The following NCF2 variants were observed in gnomAD, a reference collection of about 807,000 sequenced individuals.
The protein encoded by NCF2 is neutrophil cytosol factor 2.
In NCF2, 45 loss-of-function variants were observed where a neutral mutation model predicts 70.9. The observed-to-expected ratio is 0.63, with a 90% CI of 0.50 to 0.81. The LOEUF (loss-of-function observed/expected upper bound fraction) is 0.81. Among genes scored for constraint, NCF2 ranks in the 40% least tolerant of loss-of-function variants. NCF2 has a pLI of 0.00. For missense variants in NCF2, 522 were observed against 631.6 expected (o/e 0.83, Z 1.86); for synonymous variants, 203 against 233.6 (o/e 0.87, Z 1.19).
At chr1:183,599,423 C>CTTTCTTTCTTTCTTTCTTTCTTTCTTTCT in the NCF2 span, among the ~76,000 whole-genome samples, 11 of 107,508 alleles carry the variant, frequency 1.0e-4, no homozygotes, top group African/African-American at 4.2e-4. Flanking sequence ...TCTTTCTTTC[C>CTTTCTTTCTTTCTTTCTTTCTTTCTTTCT]TTCTTTCTTT....
rs1298091942 is a variant in NCF2 at position 183,574,627 on chromosome 1, A to G, written c.367-6T>C. 2 of 1,614,182 alleles carry G rather than the reference A, an allele frequency of 1.2e-6. No homozygotes were observed. The highest frequency in any genetic ancestry group is 8.5e-7 in the Non-Finnish European group (1 of 1,180,022). On this transcript the variant is annotated splice_polypyrimidine_tract_variant and splice_region_variant and intron_variant, in intron 3 of 14. Transcript: ENST00000367535. ...AAAGCAATGTTATATAACACCTAGA[A>G]AAGTACAGACCGCAACATAAAACTT...
the NCF2 span, chr1:183,597,783 G>A: frequency 1.1e-4 from 16 of 152,196 alleles, no homozygotes; most frequent in African/African-American, 2.9e-4. Flanking sequence ...CCTAACGACC[G>A]TGTCTGGACA....
intron 2 of NCF2, among the ~76,000 whole-genome samples, chr1:183,585,657 C>T (rs1386904351): frequency 4.3e-5 from 6 of 140,914 alleles, no homozygotes; most frequent in African/African-American, 1.8e-4. Flanking sequence ...TAGCCTGAGC[C>T]AAATTCCTCT....
upstream of NCF2, among the ~76,000 whole-genome samples, chr1:183,593,788 A>C (rs1673727925): frequency 6.6e-6 from 1 of 152,204 alleles, no homozygotes; most frequent in African/African-American, 2.4e-5. Flanking sequence ...CGGTCTGTTC[A>C]GCCACTGTCC....
chr1:183,560,286 A>T lies in NCF2; in HGVS notation c.1291-13T>A, dbSNP rs1305508752. 6.2e-7 allele frequency: 1 copy of T among 1,614,154 alleles called. No individual in the cohort carries two copies. The highest frequency in any genetic ancestry group is 8.5e-7 in the Non-Finnish European group (1 of 1,180,012). ...AGCCTTGGTCACCCTGAAATAATAA[A>T]GGGCCTGTTAATTTTCCCAATTTCC... On this transcript the variant is annotated splice_polypyrimidine_tract_variant and intron_variant, in intron 13 of 14. Transcript: ENST00000367535.
At position 183,563,987 on chromosome 1, in the gene NCF2, A is replaced by G; in HGVS notation, c.1026+18T>C. On this transcript the variant is annotated intron_variant, in intron 11 of 14. Coordinates refer to ENST00000367535, the MANE Select transcript of NCF2 (RefSeq NM_000433.4). ...CCCATCTTCTACCACTTGAAACAGTATGAGGGAAAAATGTTACCTTAGGCT... is the reference window on the plus strand; with the variant it reads ...CCCATCTTCTACCACTTGAAACAGTGTGAGGGAAAAATGTTACCTTAGGCT... The G allele has an allele frequency of 1.2e-6, 2 of 1,601,116 alleles. No individual in the cohort carries two copies. Among genetic ancestry groups the G allele is most frequent in the Non-Finnish European group, 8.6e-7 (1 of 1,168,128 alleles).
chr1:183,592,586 A>G (rs949913322), upstream of NCF2, among the ~76,000 whole-genome samples: 2 of 152,242 alleles, frequency 1.3e-5, no homozygotes, highest in African/African-American at 4.8e-5. Flanking sequence ...ATTAGAAATC[A>G]TTGGTAAATG....
At chr1:183,574,456 C>T (rs1365963139) in intron 4 of NCF2, 31 bp downstream of exon 4, 7 of 1,614,158 alleles carry the variant, frequency 4.3e-6, no homozygotes, top group Admixed American at 1.7e-5. Context: ...CAGTGACATC[C>T]TCTCAACACC....
intron 1 of NCF2, among the ~76,000 whole-genome samples, chr1:183,587,572 C>A (rs1572178601): frequency 1.1e-5 from 1 of 93,714 alleles, no homozygotes; most frequent in East Asian, 3.3e-4. Flanking sequence ...CCAGCCTGGG[C>A]AACAAAGTAA....
chr1:183,562,763 G>A (rs1316853198), intron 13 of NCF2, among the ~76,000 whole-genome samples: 1 of 150,332 alleles, frequency 6.7e-6, no homozygotes. Flanking sequence ...AACCTGGGCG[G>A]CAGAGGTTTC....
intron 2 of NCF2, among the ~76,000 whole-genome samples, chr1:183,579,658 GA>G (rs1274504782): frequency 2.9e-5 from 4 of 138,502 alleles, no homozygotes; most frequent in Non-Finnish European, 6.0e-5. Flanking sequence ...AGAATGGCAT[GA>G]ACCCAGGAGG....
At chr1:183,572,085 A>T (rs1411529052) in intron 5 of NCF2, among the ~76,000 whole-genome samples, 1 of 152,254 alleles carries the variant, frequency 6.6e-6, no homozygotes, top group Non-Finnish European at 1.5e-5. Flanking sequence ...CCACTGGGCA[A>T]CTTTAGCCCT....
intron 1 of NCF2, among the ~76,000 whole-genome samples, chr1:183,589,848 T>C (rs1452563150): frequency 6.6e-6 from 1 of 152,188 alleles, no homozygotes; most frequent in African/African-American, 2.4e-5. Flanking sequence ...GAGTTCTGTG[T>C]AGAAGAAAGT....
At chr1:183,556,669 C>G (rs143986901) in intron 14 of NCF2, among the ~76,000 whole-genome samples, 1 of 152,136 alleles carries the variant, frequency 6.6e-6, no homozygotes, top group East Asian at 1.9e-4. Flanking sequence ...GTAACTGCAA[C>G]TACAGGCTGT....
intron 9 of NCF2, among the ~76,000 whole-genome samples, chr1:183,566,436 A>G (rs1337895999): frequency 6.6e-6 from 1 of 152,150 alleles, no homozygotes. Context: ...TAGAGGTGGC[A>G]TCTCTCTATT....
chr1:183,560,012 T>C (rs1339382687), intron 14 of NCF2, 84 bp downstream of exon 14: 1 of 1,432,992 alleles, frequency 7.0e-7, no homozygotes, highest in East Asian at 2.3e-5. Context: ...TGTTTGTAGA[T>C]TATTGATATT....
At chr1:183,586,628 C>G (rs1162022369) in intron 2 of NCF2, among the ~76,000 whole-genome samples, 2 of 152,088 alleles carry the variant, frequency 1.3e-5, no homozygotes, top group Admixed American at 1.3e-4. Flanking sequence ...GGTGTCACAC[C>G]AGCTGAGTAT....
chr1:183,589,256 C>T (rs1203344388), intron 1 of NCF2, among the ~76,000 whole-genome samples: 1 of 152,150 alleles, frequency 6.6e-6, no homozygotes, highest in African/African-American at 2.4e-5. Flanking sequence ...TGGCAGTAAT[C>T]GGTAAAAATA....
At chr1:183,597,738 T>C in the NCF2 span, 1 of 152,358 alleles carries the variant, frequency 6.6e-6, no homozygotes, top group East Asian at 1.9e-4. Flanking sequence ...AAAACAAAAT[T>C]TTTAAAGATT....
Sources: allele counts gnomAD v4.1 joint callset (sites outside exome capture counted in the v4.1 genomes callset), GRCh38; gene constraint gnomAD v4.1.1; transcripts MANE v1.5; gene names NCBI Gene and HGNC (gene_info 2026-07-23, HGNC 2026-07-21).